PCDHGA4: variants seen among roughly 807,000 people sequenced by gnomAD.
The protein encoded by PCDHGA4 is protocadherin gamma-A4.
A neutral mutation model predicts 54.6 loss-of-function variants in PCDHGA4; 38 were observed. The ratio of observed to expected loss-of-function variants is 0.70; its 90% CI spans 0.54 to 0.91. The LOEUF (loss-of-function observed/expected upper bound fraction) is 0.91, where lower values mean the gene tolerates loss of function less well. Among genes scored for constraint, PCDHGA4 ranks in the 40% least tolerant of loss-of-function variants. PCDHGA4 has a pLI of 0.00. For synonymous variants in PCDHGA4, 511 were observed against 512.9 expected (o/e 1.00, Z 0.05); for missense variants, 1,298 against 1,220.9 (o/e 1.06, Z -0.94).
chr5:141,496,146 G>T (rs749790409), intron 2 of PCDHGA4, among the ~76,000 whole-genome samples: 1 of 151,170 alleles, frequency 6.6e-6, no homozygotes, highest in South Asian at 2.1e-4. Flanking sequence ...GCCTTTGATC[G>T]CAGCTCTCCA....
At chr5:141,374,051 C>T in intron 1 of PCDHGA4, 1 of 1,476,382 alleles carries the variant, frequency 6.8e-7, no homozygotes, top group Non-Finnish European at 9.0e-7. Context: ...TCTTCCTCTT[C>T]TTAATCCCAG....
chr5:141,458,933 A>G (rs920768063), intron 1 of PCDHGA4, among the ~76,000 whole-genome samples: 3 of 151,912 alleles, frequency 2.0e-5, no homozygotes, highest in Admixed American at 6.6e-5. Flanking sequence ...GGGTCTCACT[A>G]TGTTGCTTAG....
rs2099883697 is a variant in PCDHGA4, at chr5:141,511,284, G to T, written c.*111G>T. On this transcript the variant is annotated 3_prime_UTR_variant, in exon 4 of 4. Coordinates refer to ENST00000571252, the MANE Select transcript of PCDHGA4 (RefSeq NM_018917.4). ...AGGGCTAACCCCCAGAATACTGGTA[G>T]GGGCCAAGGCCATGCTCCCCTTGGG... 6.5e-7 allele frequency: 1 copy of T among 1,528,258 alleles called. No homozygotes were observed. Among genetic ancestry groups the T allele is most frequent in the African/African-American group, 1.4e-5 (1 of 72,674 alleles). 94.7% of individuals were successfully genotyped at this position (1,528,258 alleles called of 1,614,324 possible). A position where few individuals can be genotyped will look rare whatever the true frequency, so the allele number is the denominator to read the frequency against.
intron 1 of PCDHGA4, chr5:141,397,868 A>T (rs1331188362): frequency 1.4e-5 from 8 of 573,128 alleles, no homozygotes; most frequent in Non-Finnish European, 2.1e-5. Context: ...CCTAGTGCTG[A>T]CTCTGGGCGC....
chr5:141,446,415 T>C (rs1275165245), intron 1 of PCDHGA4, among the ~76,000 whole-genome samples: 2 of 152,046 alleles, frequency 1.3e-5, no homozygotes, highest in African/African-American at 4.8e-5. Flanking sequence ...GTTCCAGCCA[T>C]GTTCATTTGA....
At chr5:141,500,045 T>C (rs2099796072) in intron 2 of PCDHGA4, among the ~76,000 whole-genome samples, 1 of 152,062 alleles carries the variant, frequency 6.6e-6, no homozygotes, top group South Asian at 2.1e-4. Flanking sequence ...CTTAAGTATC[T>C]TAATGCTCTT....
At chr5:141,449,588 CAAAA>C (rs768743917) in intron 1 of PCDHGA4, among the ~76,000 whole-genome samples, 2 of 57,488 alleles carry the variant, frequency 3.5e-5, no homozygotes, top group Non-Finnish European at 3.7e-5. Flanking sequence ...GACTCTGTCT[CAAAA>C]AAAAAAAAAA....
intron 1 of PCDHGA4, chr5:141,371,020 A>T: frequency 6.2e-7 from 1 of 1,613,970 alleles, no homozygotes; most frequent in Non-Finnish European, 8.5e-7. Context: ...CCACATCACC[A>T]CCTGGTCCTC....
At chr5:141,371,809 C>A (rs1768063576) in intron 1 of PCDHGA4, 2 of 1,613,792 alleles carry the variant, frequency 1.2e-6, no homozygotes. Flanking sequence ...GCCTCCATTG[C>A]GCATGTCAGA....
chr5:141,495,642 C>T (rs1294293252), intron 2 of PCDHGA4, among the ~76,000 whole-genome samples: 1 of 152,208 alleles, frequency 6.6e-6, no homozygotes. Flanking sequence ...TTTCATTTGT[C>T]TACTTGCATT....
At chr5:141,416,501 T>C (rs1164504285) in intron 1 of PCDHGA4, 6 of 152,148 alleles carry the variant, frequency 3.9e-5, no homozygotes, top group Non-Finnish European at 7.4e-5. Context: ...AAGAGATATA[T>C]GACAAAGCTA....
rs144613597 is a variant in PCDHGA4, at chr5:141,483,029, G to A, written c.2515-11778G>A. 3.9e-3 allele frequency among the ~76,000 whole-genome samples: 588 copies of A among 152,220 alleles called. 6 individuals are homozygous for A. Among genetic ancestry groups the A allele is most frequent in the Admixed American group, 0.011 (169 of 15,280 alleles). ...GAACCCGGGAGGCAGAGGTTGCAAT[G>A]AGCTGGTGTCAGGCCACTGCACTCC... On this transcript the variant is annotated intron_variant, in intron 1 of 3. Transcript: ENST00000571252.
At chr5:141,361,334 A>G (rs1761976311) in intron 1 of PCDHGA4, 2 of 1,613,846 alleles carry the variant, frequency 1.2e-6, no homozygotes, top group Non-Finnish European at 1.7e-6. Flanking sequence ...TCCTCAAAGA[A>G]CTATTACAAA....
In PCDHGA4 at chr5:141,457,491, A is replaced by G. The variant is rs1462989353; in HGVS notation, c.2515-37316A>G. Among the ~76,000 whole-genome samples, 9 of 152,368 alleles carry G rather than the reference A, an allele frequency of 5.9e-5. No individual in the cohort carries two copies. The East Asian group carries it at 1.5e-3, about 26-fold the overall frequency. On this transcript the variant is annotated intron_variant, in intron 1 of 3. Transcript: ENST00000571252. ...ATAAGCAGGGCCAGGGTTAGTCTAA[A>G]ATGTAGGCAAAAAGCTTAAAAACAA...
intron 1 of PCDHGA4, among the ~76,000 whole-genome samples, chr5:141,373,736 A>G (rs1260777730): frequency 6.6e-6 from 1 of 152,226 alleles, no homozygotes. Flanking sequence ...TAAATGCTTC[A>G]TTATCTTGGG....
At chr5:141,375,835 C>G (rs772317330) in intron 1 of PCDHGA4, 1 of 1,613,984 alleles carries the variant, frequency 6.2e-7, no homozygotes, top group African/African-American at 1.3e-5. Context: ...CCGCAGAGCC[C>G]GGCTACCTGG....
chr5:141,371,047 G>A, intron 1 of PCDHGA4: 1 of 1,613,990 alleles, frequency 6.2e-7, no homozygotes. Flanking sequence ...GTGGATGGGG[G>A]CGAGCCCTCC....
rs536970079 is a variant in PCDHGA4 at position 141,405,367 on chromosome 5, T to C, written c.2514+47746T>C. The C allele has an allele frequency of 1.9e-5, 30 of 1,613,694 alleles. No homozygotes were observed. In the African/African-American group the frequency reaches 3.2e-4, roughly 17 times the overall value. The stretch of plus-strand genomic sequence containing the variant: ...CCAAGTTTCCTATAGAAGACACCCC[T>C]TTGGTTCCGGTGAGTTCATTTTTTT... On this transcript the variant is annotated intron_variant, in intron 1 of 3. Transcript: ENST00000571252.
rs376734880 is a variant in PCDHGA4 at position 141,400,487 on chromosome 5, T to C, written c.2514+42866T>C. On this transcript the variant is annotated intron_variant, in intron 1 of 3. Coordinates refer to ENST00000571252, the MANE Select transcript of PCDHGA4 (RefSeq NM_018917.4). Reference sequence around the variant, plus strand: ...GATTCATCTGGGGCCTTATTTCCACTTTGTAATTCCAGCGAGTCGACTTCC... The same window carrying C: ...GATTCATCTGGGGCCTTATTTCCACCTTGTAATTCCAGCGAGTCGACTTCC... 4.8e-5 allele frequency: 78 copies of C among 1,613,958 alleles called. No individual in the cohort carries two copies. Among genetic ancestry groups the C allele is most frequent in the Non-Finnish European group, 6.6e-5 (78 of 1,179,896 alleles).
Sources: gnomAD v4.1 joint callset for allele counts (sites outside exome capture counted in the v4.1 genomes callset) on GRCh38, gnomAD v4.1.1 for gene constraint, MANE v1.5 for transcripts, NCBI Gene and HGNC (gene_info 2026-07-23, HGNC 2026-07-21) for gene names.